Variants in ZNF804B observed in about 807,000 individuals in gnomAD.
ZNF804B encodes zinc finger 804B.
Under a neutral mutation model 101.4 loss-of-function variants are expected in ZNF804B, and 80 were observed. The ratio of observed to expected loss-of-function variants is 0.79; its 90% CI spans 0.66 to 0.95. The LOEUF is 0.95. ZNF804B is among the 40% of genes least tolerant of loss of function. The pLI, the probability that ZNF804B is intolerant of heterozygous loss-of-function variation, is 0.00. For missense variants in ZNF804B, 1,673 were observed against 1,561.9 expected, an observed-to-expected ratio of 1.07 and a Z score of -1.20; for synonymous variants, 622 against 558.8, an observed-to-expected ratio of 1.11 and a Z score of -1.59.
chr7:89,025,438 A>G (rs974868332), intron 1 of ZNF804B, among the ~76,000 whole-genome samples: 1 of 152,134 alleles, frequency 6.6e-6, no homozygotes, highest in Admixed American at 6.6e-5. Flanking sequence ...AAATTATACT[A>G]TTATAAAAAA....
intron 1 of ZNF804B, among the ~76,000 whole-genome samples, chr7:88,785,452 C>G (rs1308628175): frequency 1.3e-5 from 2 of 152,122 alleles, no homozygotes; most frequent in Non-Finnish European, 2.9e-5. Context: ...TGTATCTATA[C>G]AGTCTCGTTA....
intron 1 of ZNF804B, among the ~76,000 whole-genome samples, chr7:88,821,076 T>C (rs1583957901): frequency 1.3e-5 from 2 of 152,148 alleles, no homozygotes; most frequent in African/African-American, 2.4e-5. Context: ...TGGAATAAAA[T>C]TGTGAATTTG....
chr7:88,874,948 T>C (rs1359764119), intron 1 of ZNF804B, among the ~76,000 whole-genome samples: 1 of 138,616 alleles, frequency 7.2e-6, no homozygotes, highest in African/African-American at 2.8e-5. Flanking sequence ...ACAGAAATTA[T>C]AACAAACTAT....
intron 1 of ZNF804B, among the ~76,000 whole-genome samples, chr7:88,965,942 T>G (rs1793447003): frequency 6.6e-6 from 1 of 151,318 alleles, no homozygotes; most frequent in South Asian, 2.1e-4. Flanking sequence ...GAGGAAAAAT[T>G]TTTGCAAGCA....
rs1192052160 is a variant in ZNF804B at position 88,854,545 on chromosome 7, T to TCCCTTCCCTTCCCTTC, written c.108+94463_108+94464insCTTCCCTTCCCTTCCC. 1.7e-4 allele frequency among the ~76,000 whole-genome samples: 17 copies of TCCCTTCCCTTCCCTTC among 100,480 alleles called. No homozygotes were observed. In the East Asian group the frequency reaches 3.7e-3, roughly 22 times the overall value. The allele number at this position is 100,480 out of a possible 152,430, so 65.9% of individuals were successfully genotyped here. A position where few individuals can be genotyped will look rare whatever the true frequency, so the allele number is the denominator to read the frequency against. On this transcript the variant is annotated intron_variant, in intron 1 of 3. Transcript: ENST00000333190. ...TCCTTCCTTTCCTTCCTTCCTTCCT[T>TCCCTTCCCTTCCCTTC]CCTTCCTTCCTTCCTTCCTTCCTTC...
intron 1 of ZNF804B, among the ~76,000 whole-genome samples, chr7:89,070,219 A>G (rs1789515207): frequency 6.6e-6 from 1 of 152,188 alleles, no homozygotes; most frequent in Non-Finnish European, 1.5e-5. Flanking sequence ...TATTTCAAGT[A>G]CTATGGTCCC....
chr7:89,026,346 C>T (rs1034761650), intron 1 of ZNF804B, among the ~76,000 whole-genome samples: 4 of 152,062 alleles, frequency 2.6e-5, no homozygotes, highest in Non-Finnish European at 5.9e-5. Context: ...GTATCAGAGA[C>T]AGCATGGAAT....
At chr7:88,976,777 T>C (rs925228856) in intron 1 of ZNF804B, among the ~76,000 whole-genome samples, 1 of 151,622 alleles carries the variant, frequency 6.6e-6, no homozygotes, top group Admixed American at 6.6e-5. Flanking sequence ...CTATATTAAA[T>C]AACAGGGATA....
intron 1 of ZNF804B, among the ~76,000 whole-genome samples, chr7:88,838,872 A>T (rs1323839970): frequency 6.6e-6 from 1 of 152,052 alleles, no homozygotes; most frequent in Non-Finnish European, 1.5e-5. Context: ...TATACTTGTT[A>T]TAATAACTAG....
chr7:89,186,397 T>C (rs1788375506), intron 1 of ZNF804B, among the ~76,000 whole-genome samples: 1 of 152,140 alleles, frequency 6.6e-6, no homozygotes, highest in South Asian at 2.1e-4. Flanking sequence ...TTTTATTTTG[T>C]ATAGAAAAAG....
At chr7:89,231,318 CT>C (rs1789187831) in intron 2 of ZNF804B, among the ~76,000 whole-genome samples, 1 of 151,980 alleles carries the variant, frequency 6.6e-6, no homozygotes, top group Admixed American at 6.5e-5. Context: ...TATGTTTATG[CT>C]TATGCCATTA....
intron 1 of ZNF804B, among the ~76,000 whole-genome samples, chr7:88,774,235 C>A: frequency 7.1e-6 from 1 of 141,398 alleles, no homozygotes. Context: ...TTTGAAACTT[C>A]GGCCACCTCC....
At position 89,013,170 on chromosome 7, in the gene ZNF804B, G is replaced by A. The variant is rs1788491101; in HGVS notation, c.109-204985G>A. ...ACAATTCAAGGTGAGATTTGGGTAG[G>A]GACACAGAGCCAAACCATATCAAGT... On this transcript the variant is annotated intron_variant, in intron 1 of 3. Transcript: ENST00000333190. Among the ~76,000 whole-genome samples, 3 of 152,112 alleles carry A rather than the reference G, an allele frequency of 2.0e-5. No homozygotes were observed. In the South Asian group the frequency reaches 6.2e-4, roughly 32 times the overall value.
chr7:88,803,864 GA>G (rs1790645295), intron 1 of ZNF804B, among the ~76,000 whole-genome samples: 1 of 152,012 alleles, frequency 6.6e-6, no homozygotes. Context: ...ATAGTGAAAG[GA>G]AAGAAGAAGG....
chr7:89,295,407 T>G (rs78652664), intron 2 of ZNF804B, among the ~76,000 whole-genome samples: 3,431 of 152,248 alleles, frequency 0.023, 124 homozygotes, highest in African/African-American at 0.078. Context: ...TATTCCCTGG[T>G]AATTTTTCTC....
chr7:88,847,254 A>G (rs1437142397), intron 1 of ZNF804B, among the ~76,000 whole-genome samples: 1 of 152,088 alleles, frequency 6.6e-6, no homozygotes, highest in Non-Finnish European at 1.5e-5. Flanking sequence ...ATTCAGTCTC[A>G]TTCTGTGAGC....
intron 1 of ZNF804B, among the ~76,000 whole-genome samples, chr7:88,989,807 C>T (rs1257467344): frequency 6.6e-6 from 1 of 152,066 alleles, no homozygotes; most frequent in Non-Finnish European, 1.5e-5. Context: ...CCAAATGAAT[C>T]ACTACGAAAT....
At chr7:89,171,308 T>C (rs1374193676) in intron 1 of ZNF804B, among the ~76,000 whole-genome samples, 2 of 113,464 alleles carry the variant, frequency 1.8e-5, no homozygotes, top group Non-Finnish European at 3.9e-5. Context: ...CTTCTTCTTC[T>C]TCTTCTTCTT....
intron 2 of ZNF804B, among the ~76,000 whole-genome samples, chr7:89,295,269 G>A (rs1457898744): frequency 1.3e-5 from 2 of 152,174 alleles, no homozygotes; most frequent in East Asian, 3.9e-4. Context: ...ATTTGTTGTA[G>A]GAGAAAATAT....
Sources: allele counts gnomAD v4.1 joint callset (sites outside exome capture counted in the v4.1 genomes callset), GRCh38; gene constraint gnomAD v4.1.1; transcripts MANE v1.5; gene names NCBI Gene and HGNC (gene_info 2026-07-23, HGNC 2026-07-21).